The following CCDC148 variants were observed in gnomAD, a reference collection of about 807,000 sequenced individuals.
CCDC148 encodes coiled-coil domain containing 148.
A neutral mutation model predicts 85.7 loss-of-function variants in CCDC148; 89 were observed. The observed-to-expected ratio is 1.04, with a 90% CI of 0.87 to 1.24. The LOEUF (loss-of-function observed/expected upper bound fraction) is 1.24, where lower values mean the gene tolerates loss of function less well. Ranked by LOEUF, CCDC148 falls within the 50% of genes most tolerant of loss-of-function variation. The pLI, the probability that CCDC148 is intolerant of heterozygous loss-of-function variation, is 0.00. For missense variants in CCDC148, 692 were observed against 671.7 expected, an observed-to-expected ratio of 1.03 and a Z score of -0.33; for synonymous variants, 230 against 213.9, an observed-to-expected ratio of 1.08 and a Z score of -0.66.
chr2:158,351,467 G>GGGTGATGAAC (rs4028064), intron 2 of CCDC148, among the ~76,000 whole-genome samples: 1 of 150,364 alleles, frequency 6.7e-6, no homozygotes, highest in Admixed American at 6.6e-5. Flanking sequence ...TCAAAGAAAG[G>GGGTGATGAAC]GGCACCTGGA....
intron 1 of CCDC148, among the ~76,000 whole-genome samples, chr2:158,419,340 A>C (rs1344141171): frequency 1.3e-5 from 2 of 152,192 alleles, no homozygotes; most frequent in Non-Finnish European, 2.9e-5. Context: ...ACCTTTTTTT[A>C]CAAGATAATT....
chr2:158,229,522 A>C (rs1687745885), intron 10 of CCDC148, among the ~76,000 whole-genome samples: 1 of 152,170 alleles, frequency 6.6e-6, no homozygotes, highest in Admixed American at 6.5e-5. Context: ...AATGCCTCTC[A>C]GTTTCTCATA....
chr2:158,210,891 G>A (rs1485178735), intron 11 of CCDC148, among the ~76,000 whole-genome samples: 6 of 150,164 alleles, frequency 4.0e-5, no homozygotes, highest in Non-Finnish European at 5.9e-5. Context: ...TCTGGGAGGC[G>A]GAGCTTGCAG....
intron 10 of CCDC148, among the ~76,000 whole-genome samples, chr2:158,245,197 T>C (rs1688519530): frequency 1.3e-5 from 2 of 152,184 alleles, no homozygotes; most frequent in South Asian, 4.1e-4. Flanking sequence ...TACTGGTTTT[T>C]GTTTTAGACT....
At chr2:158,195,861 C>T (rs941202555) in intron 11 of CCDC148, among the ~76,000 whole-genome samples, 12 of 152,234 alleles carry the variant, frequency 7.9e-5, no homozygotes, top group East Asian at 1.9e-4. Context: ...GTCCAGTGGG[C>T]GCAGGAGGCT....
chr2:158,380,619 T>C (rs1020237658), intron 1 of CCDC148, among the ~76,000 whole-genome samples: 1 of 152,168 alleles, frequency 6.6e-6, no homozygotes, highest in African/African-American at 2.4e-5. Context: ...ATTGGCAAGC[T>C]GGTTTAAAAA....
At chr2:158,415,735 A>C (rs1164521336) in intron 1 of CCDC148, among the ~76,000 whole-genome samples, 1 of 152,226 alleles carries the variant, frequency 6.6e-6, no homozygotes, top group Non-Finnish European at 1.5e-5. Context: ...GCCCTGTACA[A>C]GTCCAAAACC....
intron 1 of CCDC148, among the ~76,000 whole-genome samples, chr2:158,363,565 A>G (rs994949230): frequency 1.3e-5 from 2 of 152,242 alleles, no homozygotes; most frequent in Non-Finnish European, 2.9e-5. Flanking sequence ...GACATAAACC[A>G]TATGATTATC....
chr2:158,349,022 A>G (rs1033912725), intron 2 of CCDC148, among the ~76,000 whole-genome samples: 2 of 152,054 alleles, frequency 1.3e-5, no homozygotes, highest in Non-Finnish European at 1.5e-5. Context: ...CCTTTGAAAG[A>G]CTAGATCACT....
intron 1 of CCDC148, among the ~76,000 whole-genome samples, chr2:158,362,917 T>G (rs1426248128): frequency 1.3e-5 from 2 of 151,942 alleles, no homozygotes; most frequent in African/African-American, 4.8e-5. Flanking sequence ...AATAGACTGC[T>G]AGCCAGACTA....
At chr2:158,431,435 A>G (rs1328201686) in intron 1 of CCDC148, among the ~76,000 whole-genome samples, 2 of 152,004 alleles carry the variant, frequency 1.3e-5, no homozygotes, top group South Asian at 4.1e-4. Context: ...GAAACTATAC[A>G]AGTCAAAAAA....
intron 9 of CCDC148, among the ~76,000 whole-genome samples, chr2:158,286,871 A>G (rs1415522402): frequency 6.6e-6 from 1 of 152,210 alleles, no homozygotes. Flanking sequence ...AAAATAATAA[A>G]GCCTTTAGAA....
intron 10 of CCDC148, among the ~76,000 whole-genome samples, chr2:158,232,670 G>A (rs965454652): frequency 1.3e-5 from 2 of 152,190 alleles, no homozygotes; most frequent in Non-Finnish European, 2.9e-5. Flanking sequence ...TCTGACCTGT[G>A]ACTCAGTCAG....
Position 158,349,903 on chromosome 2 carries a change from G to A in CCDC148, c.148-4585C>T, listed in dbSNP as rs532736700. ...CAATTCCTCATCATCATGAATCTAC[G>A]GAGACTAAAAATGGAAGCAAAAGCT... is the stretch of plus-strand genomic sequence containing the variant. On this transcript the variant is annotated intron_variant, in intron 2 of 13. Transcript: ENST00000283233. Among the ~76,000 whole-genome samples the A allele has an allele frequency of 5.3e-5, 8 of 152,114 alleles. No individual in the cohort carries two copies. The South Asian group carries it at 6.2e-4, about 12-fold the overall frequency.
intron 10 of CCDC148, among the ~76,000 whole-genome samples, chr2:158,222,854 A>C (rs910865742): frequency 2.6e-5 from 4 of 152,230 alleles, no homozygotes; most frequent in African/African-American, 9.6e-5. Context: ...AAGATGGCCG[A>C]ATAGGAACAG....
intron 11 of CCDC148, chr2:158,207,439 T>G (rs1019746980): frequency 6.6e-6 from 1 of 152,196 alleles, no homozygotes; most frequent in African/African-American, 2.4e-5. Flanking sequence ...TTTTCACAAT[T>G]AACCCCAAAG....
chr2:158,451,011 G>C lies in CCDC148; in HGVS notation c.25+5404C>G, dbSNP rs557731592. On this transcript the variant is annotated intron_variant, in intron 1 of 13. Transcript: ENST00000283233. ...CTTCAATCTTTCTCCTATTCTTTAG[G>C]TTGGATAGTTTCTATTAGTCTGTCT... 9.9e-5 allele frequency among the ~76,000 whole-genome samples: 15 copies of C among 151,794 alleles called. 1 individual carries two copies. Among genetic ancestry groups the C allele is most frequent in the Admixed American group, 9.8e-4 (15 of 15,242 alleles).
chr2:158,274,061 C>T (rs1689815113), intron 9 of CCDC148, among the ~76,000 whole-genome samples: 1 of 152,106 alleles, frequency 6.6e-6, no homozygotes, highest in Admixed American at 6.5e-5. Context: ...ATACTAGAAG[C>T]GAGAATTCAT....
intron 11 of CCDC148, among the ~76,000 whole-genome samples, chr2:158,197,106 G>A (rs1574380867): frequency 6.6e-6 from 1 of 152,178 alleles, no homozygotes. Context: ...AACTGAAAGT[G>A]ATCATGGAGA....
Sources: allele counts gnomAD v4.1 joint callset (sites outside exome capture counted in the v4.1 genomes callset), GRCh38; gene constraint gnomAD v4.1.1; transcripts MANE v1.5; gene names NCBI Gene and HGNC (gene_info 2026-07-23, HGNC 2026-07-21).